Variants in CDH12 observed in about 807,000 individuals in gnomAD.
CDH12 encodes cadherin 12.
CDH12 carries 41 observed loss-of-function variants against 74.1 expected under a neutral mutation model. The ratio of observed to expected loss-of-function variants is 0.55; its 90% confidence interval spans 0.43 to 0.72. The LOEUF is 0.72. Among genes scored for constraint, CDH12 ranks in the 30% least tolerant of loss-of-function variants. The pLI is 0.00. For missense variants in CDH12, 945 were observed against 977.2 expected (o/e 0.97, Z 0.44); for synonymous variants, 399 against 355.0 (o/e 1.12, Z -1.39).
chr5:21,822,671 G>C (rs1256944321), intron 8 of CDH12, among the ~76,000 whole-genome samples: 3 of 152,060 alleles, frequency 2.0e-5, no homozygotes, highest in Non-Finnish European at 4.4e-5. Flanking sequence ...GATGAGGCTA[G>C]GATGGGCATA....
chr5:22,300,951 C>A (rs1381470538), intron 3 of CDH12, among the ~76,000 whole-genome samples: 1 of 151,886 alleles, frequency 6.6e-6, no homozygotes, highest in Non-Finnish European at 1.5e-5. Flanking sequence ...TTTCTATGAC[C>A]CAAGTATAAA....
intron 2 of CDH12, among the ~76,000 whole-genome samples, chr5:22,418,275 G>C (rs1743487044): frequency 6.6e-6 from 1 of 152,076 alleles, no homozygotes; most frequent in African/African-American, 2.4e-5. Flanking sequence ...AAGAATGCTT[G>C]TGATTTTTGC....
intron 1 of CDH12, among the ~76,000 whole-genome samples, chr5:22,770,783 GTTTC>G (rs1746766479): frequency 6.6e-6 from 1 of 151,958 alleles, no homozygotes; most frequent in Admixed American, 6.6e-5. Context: ...TAATATTTGT[GTTTC>G]TTATAAACAT....
At chr5:22,338,943 AACAGAG>A (rs1277854947) in intron 3 of CDH12, among the ~76,000 whole-genome samples, 2 of 152,154 alleles carry the variant, frequency 1.3e-5, no homozygotes, top group Non-Finnish European at 1.5e-5. Flanking sequence ...CAGCAAAAAG[AACAGAG>A]GCTTCAGTCC....
intron 1 of CDH12, among the ~76,000 whole-genome samples, chr5:22,762,727 T>G (rs1746292322): frequency 6.6e-6 from 1 of 152,074 alleles, no homozygotes; most frequent in Admixed American, 6.6e-5. Flanking sequence ...CGTCAGGAAA[T>G]TCCTATAAAT....
intron 6 of CDH12, among the ~76,000 whole-genome samples, chr5:21,864,738 G>GA (rs1199912381): frequency 6.6e-6 from 1 of 152,102 alleles, no homozygotes; most frequent in South Asian, 2.1e-4. Flanking sequence ...AACAAACTAT[G>GA]AAAAAACCTA....
chr5:21,833,439 C>A (rs1749333244), intron 8 of CDH12, among the ~76,000 whole-genome samples: 1 of 86,074 alleles, frequency 1.2e-5, no homozygotes, highest in African/African-American at 4.6e-5. Flanking sequence ...TTATTAATTA[C>A]ATATATTATT....
intron 6 of CDH12, among the ~76,000 whole-genome samples, chr5:21,937,154 A>C (rs1460530480): frequency 6.6e-6 from 1 of 152,204 alleles, no homozygotes; most frequent in South Asian, 2.1e-4. Flanking sequence ...GGCAGTTCTG[A>C]GGGTTGTAAG....
chr5:22,377,804 A>C (rs1741597328), intron 3 of CDH12, among the ~76,000 whole-genome samples: 1 of 152,168 alleles, frequency 6.6e-6, no homozygotes, highest in African/African-American at 2.4e-5. Flanking sequence ...GGTACCCTAA[A>C]TTCCTAACAG....
intron 2 of CDH12, among the ~76,000 whole-genome samples, chr5:22,419,277 T>A (rs976212779): frequency 6.6e-6 from 1 of 152,094 alleles, no homozygotes; most frequent in Non-Finnish European, 1.5e-5. Context: ...CCCACATGCA[T>A]TAGCTATTTG....
chr5:21,908,402 G>A (rs116734183), intron 6 of CDH12, among the ~76,000 whole-genome samples: 66 of 152,206 alleles, frequency 4.3e-4, no homozygotes, highest in Non-Finnish European at 7.8e-4. Flanking sequence ...GCTCTTTTGC[G>A]GAGCTATGTT....
chr5:22,715,442 T>C (rs1743522013), intron 1 of CDH12, among the ~76,000 whole-genome samples: 1 of 152,212 alleles, frequency 6.6e-6, no homozygotes, highest in Non-Finnish European at 1.5e-5. Flanking sequence ...CTTATTGTGC[T>C]GCTACTCAGT....
At chr5:22,452,755 C>G (rs986127194) in intron 2 of CDH12, among the ~76,000 whole-genome samples, 31 of 150,656 alleles carry the variant, frequency 2.1e-4, no homozygotes, top group African/African-American at 7.3e-4. Flanking sequence ...TTCTGCACAA[C>G]AGAGGAAACA....
chr5:22,567,382 A>G (rs1739337993), intron 1 of CDH12, among the ~76,000 whole-genome samples: 1 of 152,220 alleles, frequency 6.6e-6, no homozygotes, highest in Admixed American at 6.5e-5. Flanking sequence ...ACCTGCTTTA[A>G]GGAAGCCTGA....
chr5:22,792,900 T>C (rs1290063412), intron 1 of CDH12, among the ~76,000 whole-genome samples: 3 of 152,220 alleles, frequency 2.0e-5, no homozygotes, highest in African/African-American at 7.2e-5. Flanking sequence ...AAGGAAATAA[T>C]GTGCATAAAG....
At chr5:22,657,331 T>C (rs1013863879) in intron 1 of CDH12, among the ~76,000 whole-genome samples, 1 of 152,188 alleles carries the variant, frequency 6.6e-6, no homozygotes, top group Non-Finnish European at 1.5e-5. Context: ...GCTGATTATG[T>C]GAGTATATAC....
intron 6 of CDH12, among the ~76,000 whole-genome samples, chr5:21,890,135 G>T (rs996080425): frequency 6.6e-6 from 1 of 152,074 alleles, no homozygotes; most frequent in African/African-American, 2.4e-5. Context: ...TTGTGCGTGG[G>T]TGTATGTGTA....
chr5:22,384,942 G>A (rs1054315530), intron 3 of CDH12, among the ~76,000 whole-genome samples: 1 of 152,012 alleles, frequency 6.6e-6, no homozygotes, highest in Non-Finnish European at 1.5e-5. Context: ...TGTTGTCATT[G>A]TTTCTACAAA....
chr5:22,050,519 A>G (rs916194294), intron 5 of CDH12, among the ~76,000 whole-genome samples: 1 of 152,140 alleles, frequency 6.6e-6, no homozygotes, highest in Non-Finnish European at 1.5e-5. Context: ...ACAATTTTCT[A>G]ATAGGAATAT....
Sources: gnomAD v4.1 joint callset for allele counts (sites outside exome capture counted in the v4.1 genomes callset) on GRCh38, gnomAD v4.1.1 for gene constraint, MANE v1.5 for transcripts, NCBI Gene and HGNC (gene_info 2026-07-23, HGNC 2026-07-21) for gene names.